The following STXBP5 variants were observed in gnomAD, a reference collection of about 807,000 sequenced individuals.
The protein encoded by STXBP5 is syntaxin binding protein 5, also known as syntaxin-binding protein 5.
A neutral mutation model predicts 152.4 loss-of-function variants in STXBP5; 50 were observed. The observed-to-expected ratio is 0.33, with a 90% CI of 0.26 to 0.42. The LOEUF is 0.42. Among genes scored for constraint, STXBP5 ranks in the 10% least tolerant of loss-of-function variants. STXBP5 has a pLI of 1.00. For missense variants in STXBP5, 1,167 were observed against 1,388.6 expected, an observed-to-expected ratio of 0.84 and a Z score of 2.54; for synonymous variants, 492 against 494.7, an observed-to-expected ratio of 0.99 and a Z score of 0.07.
chr6:147,302,581 C>G (rs1289587194), intron 9 of STXBP5, among the ~76,000 whole-genome samples: 6 of 151,700 alleles, frequency 4.0e-5, no homozygotes, highest in Non-Finnish European at 8.8e-5. Context: ...CTTTGGGAGG[C>G]CTAGGTGGGC....
intron 11 of STXBP5, among the ~76,000 whole-genome samples, chr6:147,312,811 C>G (rs766560451): frequency 4.6e-5 from 7 of 152,130 alleles, no homozygotes; most frequent in Non-Finnish European, 8.8e-5. Flanking sequence ...CCTAGAATAA[C>G]TTATTCTTAA....
intron 9 of STXBP5, among the ~76,000 whole-genome samples, chr6:147,306,243 G>A (rs557237722): frequency 1.3e-5 from 2 of 152,238 alleles, no homozygotes; most frequent in African/African-American, 2.4e-5. Flanking sequence ...GCACCTTGGG[G>A]TACCTAGCTG....
At chr6:147,261,903 A>G (rs977703505) in intron 5 of STXBP5, among the ~76,000 whole-genome samples, 14 of 151,620 alleles carry the variant, frequency 9.2e-5, no homozygotes, top group African/African-American at 2.9e-4. Flanking sequence ...TTCTATTTCT[A>G]TTGAAACTAA....
intron 2 of STXBP5, among the ~76,000 whole-genome samples, chr6:147,222,463 G>A (rs1204610157): frequency 6.6e-6 from 1 of 152,098 alleles, no homozygotes; most frequent in Non-Finnish European, 1.5e-5. Flanking sequence ...AACTTCAGGA[G>A]TGCTTCTTAA....
chr6:147,244,682 A>G (rs1177743722), intron 4 of STXBP5, among the ~76,000 whole-genome samples: 7 of 152,216 alleles, frequency 4.6e-5, no homozygotes, highest in African/African-American at 9.6e-5. Context: ...TTGAAATTAC[A>G]TGAAATGACA....
chr6:147,308,345 T>A (rs931352498), intron 9 of STXBP5, among the ~76,000 whole-genome samples: 1 of 152,224 alleles, frequency 6.6e-6, no homozygotes, highest in African/African-American at 2.4e-5. Flanking sequence ...GATAACATTT[T>A]AAGCTCCCTA....
chr6:147,320,579 G>GTGTGTGTGTTTGTT (rs1554297944), intron 16 of STXBP5, among the ~76,000 whole-genome samples: 11 of 149,074 alleles, frequency 7.4e-5, no homozygotes, highest in African/African-American at 2.7e-4. Context: ...GTGTGTGTGT[G>GTGTGTGTGTTTGTT]TGTGTGTGTG....
At chr6:147,269,566 C>T (rs895285656) in intron 7 of STXBP5, among the ~76,000 whole-genome samples, 2 of 151,890 alleles carry the variant, frequency 1.3e-5, no homozygotes, top group African/African-American at 4.8e-5. Flanking sequence ...CAAGATGATA[C>T]CATTGGCATC....
At chr6:147,263,907 A>G (rs2115353106) in intron 6 of STXBP5, among the ~76,000 whole-genome samples, 1 of 152,112 alleles carries the variant, frequency 6.6e-6, no homozygotes, top group Admixed American at 6.6e-5. Context: ...ATGTGTGCAT[A>G]TCTCAGCTCC....
chr6:147,349,738 A>G (rs1045414057), intron 21 of STXBP5, among the ~76,000 whole-genome samples: 2 of 152,174 alleles, frequency 1.3e-5, no homozygotes, highest in Admixed American at 6.5e-5. Flanking sequence ...CCAGAAGTAT[A>G]TCCCTGCCCT....
At position 147,327,070 on chromosome 6, in the gene STXBP5, AT is replaced by A. The variant is rs985314388; in HGVS notation, c.1929-48del. 3.6e-5 allele frequency: 56 copies of A among 1,546,162 alleles called. No homozygotes were observed. The African/African-American group carries it at 4.7e-4, about 13-fold the overall frequency. On this transcript the variant is annotated intron_variant, in intron 17 of 27. Coordinates refer to ENST00000321680, the MANE Select transcript of STXBP5 (RefSeq NM_001127715.4). The stretch of plus-strand genomic sequence containing the variant: ...TCTTCAGCCTTATAGACTGTAGTAC[AT>A]TTTTTTGGAATTATTTGTTTGTGCT...
At chr6:147,354,526 T>G (rs1404471404) in intron 22 of STXBP5, among the ~76,000 whole-genome samples, 1 of 151,992 alleles carries the variant, frequency 6.6e-6, no homozygotes, top group African/African-American at 2.4e-5. Flanking sequence ...TGTGCATTTT[T>G]CCCCTATAGC....
At chr6:147,338,700 T>G (rs1783947333) in intron 19 of STXBP5, among the ~76,000 whole-genome samples, 1 of 151,768 alleles carries the variant, frequency 6.6e-6, no homozygotes, top group Admixed American at 6.6e-5. Context: ...TATTGTACAT[T>G]TTAAAGATTT....
At chr6:147,280,388 G>A (rs1178156000) in intron 8 of STXBP5, among the ~76,000 whole-genome samples, 1 of 151,922 alleles carries the variant, frequency 6.6e-6, no homozygotes, top group Admixed American at 6.6e-5. Flanking sequence ...CCATATTAGT[G>A]GTATCTCATA....
chr6:147,332,351 G>T lies in STXBP5; in HGVS notation c.2081-1806G>T, dbSNP rs114485492. On this transcript the variant is annotated intron_variant, in intron 18 of 27. Coordinates refer to ENST00000321680, the MANE Select transcript of STXBP5 (RefSeq NM_001127715.4). The stretch of plus-strand genomic sequence containing the variant: ...CAGTAGATTACATTAATAGTGCCGA[G>T]GGGAAAAGTACTTGAAGGAGGATTT... 8.1e-3 allele frequency among the ~76,000 whole-genome samples: 1,227 copies of T among 152,256 alleles called. 20 individuals carry two copies. The highest frequency in any genetic ancestry group is 0.028 in the African/African-American group (1,177 of 41,540).
At chr6:147,264,874 T>A (rs1188703158) in intron 6 of STXBP5, among the ~76,000 whole-genome samples, 2 of 152,214 alleles carry the variant, frequency 1.3e-5, no homozygotes, top group East Asian at 3.9e-4. Context: ...ATTTCTAATA[T>A]CCTTAGAATA....
intron 9 of STXBP5, among the ~76,000 whole-genome samples, chr6:147,295,589 G>C (rs776046012): frequency 1.3e-5 from 2 of 152,172 alleles, no homozygotes; most frequent in Non-Finnish European, 2.9e-5. Flanking sequence ...ACGGCATAGA[G>C]GGGGAGCAAA....
Position 147,387,122 on chromosome 6 carries a change from C to G in STXBP5, c.*2367C>G, listed in dbSNP as rs942699921. 1.8e-4 allele frequency: 28 copies of G among 151,478 alleles called. No individual in the cohort carries two copies. Among genetic ancestry groups the G allele is most frequent in the African/African-American group, 6.5e-4 (27 of 41,298 alleles). 9.4% of individuals were successfully genotyped at this position (151,478 alleles called of 1,614,324 possible). A position where few individuals can be genotyped will look rare whatever the true frequency, so the allele number is the denominator to read the frequency against. On this transcript the variant is annotated 3_prime_UTR_variant, in exon 28 of 28. Transcript: ENST00000321680. ...TAGAGACTCAGTTAGGATTAGAAAG[C>G]TTAAAGTATGTTTGAGTGTAGGAAA...
intron 26 of STXBP5, among the ~76,000 whole-genome samples, chr6:147,379,141 T>C (rs1785953964): frequency 6.6e-6 from 1 of 151,776 alleles, no homozygotes; most frequent in Non-Finnish European, 1.5e-5. Flanking sequence ...TAAAGACCCA[T>C]GTGATTAGGT....
Sources: allele counts gnomAD v4.1 joint callset (sites outside exome capture counted in the v4.1 genomes callset), GRCh38; gene constraint gnomAD v4.1.1; transcripts MANE v1.5; gene names NCBI Gene and HGNC (gene_info 2026-07-23, HGNC 2026-07-21).